The following BACH2 variants were observed in gnomAD, a reference collection of about 807,000 sequenced individuals.
BACH2 encodes BACH transcriptional regulator 2.
Under a neutral mutation model 61.8 loss-of-function variants are expected in BACH2, and 5 were observed. The observed-to-expected ratio is 0.08, with a 90% confidence interval of 0.04 to 0.17. The LOEUF is 0.17. Among genes scored for constraint, BACH2 ranks in the 10% least tolerant of loss-of-function variants. The probability of loss-of-function intolerance (pLI) is 1.00; values close to 1 mark genes in which losing one functional copy is unlikely to be tolerated. For missense variants in BACH2, 824 were observed against 1,091.1 expected (o/e 0.76, Z 3.45); for synonymous variants, 446 against 440.1 (o/e 1.01, Z -0.17).
At chr6:90,056,168 C>G (rs1324762485) in intron 5 of BACH2, among the ~76,000 whole-genome samples, 2 of 152,284 alleles carry the variant, frequency 1.3e-5, no homozygotes, top group African/African-American at 4.8e-5. Flanking sequence ...TTAAAAGACA[C>G]AGACTGGCAA....
intron 3 of BACH2, among the ~76,000 whole-genome samples, chr6:90,243,651 T>C (rs1770532249): frequency 6.6e-6 from 1 of 152,212 alleles, no homozygotes; most frequent in Admixed American, 6.5e-5. Flanking sequence ...CTCTTTTTCC[T>C]ATGAATTTTA....
At chr6:90,259,286 T>C (rs1206592262) in intron 2 of BACH2, among the ~76,000 whole-genome samples, 1 of 152,218 alleles carries the variant, frequency 6.6e-6, no homozygotes, top group Non-Finnish European at 1.5e-5. Context: ...ATAAAGGATG[T>C]TGGACTTTGT....
At chr6:90,224,189 T>C (rs1454288834) in intron 3 of BACH2, among the ~76,000 whole-genome samples, 1 of 152,244 alleles carries the variant, frequency 6.6e-6, no homozygotes, top group Non-Finnish European at 1.5e-5. Flanking sequence ...AGATTTTATT[T>C]CAAATTTTAA....
chr6:90,062,016 TCCTGG>T (rs1405804451), intron 5 of BACH2, among the ~76,000 whole-genome samples: 6 of 152,178 alleles, frequency 3.9e-5, no homozygotes, highest in African/African-American at 1.4e-4. Flanking sequence ...AGAAGTTTTT[TCCTGG>T]GGCAGTATTA....
At chr6:89,956,643 A>T (rs9344975) in intron 6 of BACH2, among the ~76,000 whole-genome samples, 21,576 of 152,144 alleles carry the variant, frequency 0.14, 1,643 homozygotes, top group East Asian at 0.18. Context: ...TGGGGAGCTC[A>T]GTGTTTCATG....
chr6:90,216,286 G>C (rs1769533249), intron 3 of BACH2, among the ~76,000 whole-genome samples: 1 of 152,204 alleles, frequency 6.6e-6, no homozygotes, highest in South Asian at 2.1e-4. Context: ...TTCAGCTTCT[G>C]AGACCACAGC....
At chr6:89,948,820 C>T (rs1773901308) in intron 7 of BACH2, among the ~76,000 whole-genome samples, 1 of 152,160 alleles carries the variant, frequency 6.6e-6, no homozygotes, top group Non-Finnish European at 1.5e-5. Flanking sequence ...CACCCCAAAC[C>T]TAAGGGGAGG....
intron 5 of BACH2, among the ~76,000 whole-genome samples, chr6:90,029,703 T>C (rs1429690371): frequency 6.6e-6 from 1 of 152,136 alleles, no homozygotes; most frequent in Non-Finnish European, 1.5e-5. Flanking sequence ...TCCCAACAGG[T>C]CCATATGTCA....
intron 6 of BACH2, among the ~76,000 whole-genome samples, chr6:89,978,023 T>C (rs919061135): frequency 1.3e-5 from 2 of 152,116 alleles, no homozygotes; most frequent in Non-Finnish European, 2.9e-5. Context: ...ACCAGTAAGA[T>C]AATGAAAGAG....
intron 5 of BACH2, among the ~76,000 whole-genome samples, chr6:90,012,250 A>G (rs1366311590): frequency 6.6e-6 from 1 of 152,194 alleles, no homozygotes; most frequent in African/African-American, 2.4e-5. Flanking sequence ...TACTGAATCT[A>G]CTGATGAATT....
chr6:90,230,671 C>T (rs775514964), intron 3 of BACH2, among the ~76,000 whole-genome samples: 10 of 152,062 alleles, frequency 6.6e-5, no homozygotes, highest in Non-Finnish European at 1.0e-4. Context: ...ACTTCTACTG[C>T]AAAGTTATGA....
intron 4 of BACH2, among the ~76,000 whole-genome samples, chr6:90,094,620 T>C (rs1312240232): frequency 6.6e-6 from 1 of 152,206 alleles, no homozygotes; most frequent in Admixed American, 6.5e-5. Context: ...ACACTGCATG[T>C]TGGGATACAG....
In BACH2 at chr6:90,198,201, T is replaced by TGTG. The variant is rs1226955014; in HGVS notation, c.-162+8365_-162+8367dup. On this transcript the variant is annotated intron_variant, in intron 4 of 8. Transcript: ENST00000257749. ...AATGCTGTATGTAACGGCTTGCACC[T>TGTG]GTGGCTCATCCTCAGGCTTGTACCC... Among the ~76,000 whole-genome samples the TGTG allele has an allele frequency of 3.3e-5, 5 of 152,344 alleles. No individual in the cohort carries two copies. In the East Asian group the frequency reaches 9.7e-4, roughly 29 times the overall value.
intron 4 of BACH2, among the ~76,000 whole-genome samples, chr6:90,172,926 T>C (rs914087896): frequency 6.6e-6 from 1 of 152,048 alleles, no homozygotes; most frequent in African/African-American, 2.4e-5. Flanking sequence ...CATGGCATGT[T>C]AGGCTGAAAA....
intron 3 of BACH2, among the ~76,000 whole-genome samples, chr6:90,238,765 A>T (rs1354288775): frequency 6.6e-6 from 1 of 152,186 alleles, no homozygotes; most frequent in Non-Finnish European, 1.5e-5. Context: ...CTAATTCTTC[A>T]ATCTCATTTT....
At chr6:90,104,411 C>T (rs1425590969) in intron 4 of BACH2, 1 of 152,188 alleles carries the variant, frequency 6.6e-6, no homozygotes, top group Non-Finnish European at 1.5e-5. Flanking sequence ...CGCTCTGGCC[C>T]TTGGAGTTGA....
At position 89,931,989 on chromosome 6, in the gene BACH2, G is replaced by A. The variant is rs1487252132; in HGVS notation, c.*419C>T. The A allele has an allele frequency of 1.3e-5, 2 of 154,782 alleles. No individual in the cohort carries two copies. Among genetic ancestry groups the A allele is most frequent in the Non-Finnish European group, 2.8e-5 (2 of 70,520 alleles). 9.6% of individuals were successfully genotyped at this position (154,782 alleles called of 1,614,324 possible). A position where few individuals can be genotyped will look rare whatever the true frequency, so the allele number is the denominator to read the frequency against. ...ATATATATTATATATAATATGTACA[G>A]TCTAGCTATAAAACTTTGATGTGTA... On this transcript the variant is annotated 3_prime_UTR_variant, in exon 9 of 9. Transcript: ENST00000257749.
At chr6:90,058,864 G>C (rs1489696030) in intron 5 of BACH2, among the ~76,000 whole-genome samples, 1 of 152,200 alleles carries the variant, frequency 6.6e-6, no homozygotes, top group African/African-American at 2.4e-5. Context: ...ACAAAAACAA[G>C]AAATGGGGAA....
rs370159098 is a variant in BACH2 at position 90,098,281 on chromosome 6, C to G, written c.-161-9172G>C. ...TTTAGCAAGATTTCTTTGCCCCCCC[C>G]GCAACCCCCACCCTTCCCTTCTTGG... is the stretch of plus-strand genomic sequence containing the variant. On this transcript the variant is annotated intron_variant, in intron 4 of 8. Coordinates refer to ENST00000257749, the MANE Select transcript of BACH2 (RefSeq NM_021813.4). Among the ~76,000 whole-genome samples the G allele has an allele frequency of 3.3e-3, 458 of 140,522 alleles. 1 individual carries two copies. The highest frequency in any genetic ancestry group is 0.021 in the Middle Eastern group (6 of 286). 92.2% of individuals were successfully genotyped at this position (140,522 alleles called of 152,430 possible). A position where few individuals can be genotyped will look rare whatever the true frequency, so the allele number is the denominator to read the frequency against.
Sources: gnomAD v4.1 joint callset for allele counts (sites outside exome capture counted in the v4.1 genomes callset) on GRCh38, gnomAD v4.1.1 for gene constraint, MANE v1.5 for transcripts, NCBI Gene and HGNC (gene_info 2026-07-23, HGNC 2026-07-21) for gene names.